The following ABTB3 variants were observed in gnomAD, a reference collection of about 807,000 sequenced individuals.
ABTB3 encodes the protein ankyrin repeat and BTB domain containing 3.
chr12:107,607,407 A>C, the ABTB3 span, among the ~76,000 whole-genome samples: 9 of 152,008 alleles, frequency 5.9e-5, no homozygotes, highest in East Asian at 1.5e-3. Flanking sequence ...GCTCTCCCCC[A>C]CTGCCGGGGT....
chr12:107,623,233 G>C, the ABTB3 span, among the ~76,000 whole-genome samples: 1 of 150,626 alleles, frequency 6.6e-6, no homozygotes, highest in Non-Finnish European at 1.5e-5. Context: ...GCTAATTTTT[G>C]TATTTTTAGT....
At chr12:107,657,981 A>C in the ABTB3 span, 1 of 500,590 alleles carries the variant, frequency 2.0e-6, no homozygotes, top group African/African-American at 1.9e-5. Flanking sequence ...TTGAACACCC[A>C]CTGCCGGGGA....
At chr12:107,543,338 C>CA in the ABTB3 span, among the ~76,000 whole-genome samples, 488 of 77,274 alleles carry the variant, frequency 6.3e-3, 4 homozygotes, top group Non-Finnish European at 7.1e-3. Flanking sequence ...GACTCCATCT[C>CA]AAAAAAAAAA....
the ABTB3 span, among the ~76,000 whole-genome samples, chr12:107,365,566 T>C: frequency 2.0e-5 from 3 of 152,224 alleles, no homozygotes; most frequent in Admixed American, 6.5e-5. Context: ...AATGAGCTGA[T>C]ACAAGCACCT....
the ABTB3 span, among the ~76,000 whole-genome samples, chr12:107,386,435 T>G: frequency 6.6e-6 from 1 of 152,176 alleles, no homozygotes; most frequent in Non-Finnish European, 1.5e-5. Flanking sequence ...TAGTATATAC[T>G]CAAAAATTTT....
chr12:107,540,126 T>C, the ABTB3 span, among the ~76,000 whole-genome samples: 2 of 152,298 alleles, frequency 1.3e-5, no homozygotes, highest in South Asian at 4.2e-4. Flanking sequence ...CTGGAGGATT[T>C]ATAAAGAACA....
chr12:107,529,084 T>C, the ABTB3 span, among the ~76,000 whole-genome samples: 14 of 147,528 alleles, frequency 9.5e-5, no homozygotes, highest in African/African-American at 3.6e-4. Flanking sequence ...ATGGAGGTGG[T>C]GGTGATGGTG....
At chr12:107,346,792 C>T in the ABTB3 span, among the ~76,000 whole-genome samples, 1 of 152,150 alleles carries the variant, frequency 6.6e-6, no homozygotes, top group Admixed American at 6.5e-5. Context: ...ATAAAAAGTA[C>T]AATTTTTACT....
the ABTB3 span, among the ~76,000 whole-genome samples, chr12:107,351,054 T>C: frequency 6.6e-6 from 1 of 152,116 alleles, no homozygotes; most frequent in African/African-American, 2.4e-5. Flanking sequence ...AAACCAAGCC[T>C]GGGGCTGAAA....
At chr12:107,468,930 C>T in the ABTB3 span, among the ~76,000 whole-genome samples, 1 of 152,156 alleles carries the variant, frequency 6.6e-6, no homozygotes, top group Non-Finnish European at 1.5e-5. Flanking sequence ...CGTGCCTCAG[C>T]TTTCTCATCT....
At chr12:107,335,574 A>G in the ABTB3 span, among the ~76,000 whole-genome samples, 1 of 152,118 alleles carries the variant, frequency 6.6e-6, no homozygotes, top group African/African-American at 2.4e-5. Context: ...TGTTTTATAT[A>G]TACTGGGATT....
At chr12:107,347,504 C>T in the ABTB3 span, among the ~76,000 whole-genome samples, 2 of 152,140 alleles carry the variant, frequency 1.3e-5, no homozygotes, top group South Asian at 2.1e-4. Context: ...TACTCATACA[C>T]TTGGTGCCTT....
chr12:107,352,161 G>A, the ABTB3 span, among the ~76,000 whole-genome samples: 1 of 152,208 alleles, frequency 6.6e-6, no homozygotes, highest in Non-Finnish European at 1.5e-5. Flanking sequence ...GAAGAGGGCT[G>A]TTAGGAGGCA....
chr12:107,452,496 G>A, the ABTB3 span, among the ~76,000 whole-genome samples: 5 of 149,956 alleles, frequency 3.3e-5, no homozygotes, highest in Admixed American at 1.3e-4. Flanking sequence ...TTGAGCCACC[G>A]CGCCCGGCCA....
the ABTB3 span, among the ~76,000 whole-genome samples, chr12:107,328,569 T>C: frequency 1.3e-5 from 2 of 152,348 alleles, no homozygotes; most frequent in East Asian, 3.9e-4. Flanking sequence ...GAACTACCAG[T>C]TGCTGAACCA....
chr12:107,425,923 C>G, the ABTB3 span, among the ~76,000 whole-genome samples: 5 of 152,320 alleles, frequency 3.3e-5, no homozygotes, highest in South Asian at 8.3e-4. Context: ...TGGGTTCGAC[C>G]ATCCATCACA....
the ABTB3 span, among the ~76,000 whole-genome samples, chr12:107,572,812 T>C: frequency 3.3e-5 from 5 of 152,046 alleles, no homozygotes; most frequent in African/African-American, 7.2e-5. Flanking sequence ...GCAGGCAGGG[T>C]CAAGGTTGTT....
At chr12:107,511,925 C>T in the ABTB3 span, among the ~76,000 whole-genome samples, 3 of 152,104 alleles carry the variant, frequency 2.0e-5, no homozygotes, top group African/African-American at 7.2e-5. Flanking sequence ...ACGGAAGCCT[C>T]ATCAACAAAG....
At chr12:107,537,277 C>A in the ABTB3 span, among the ~76,000 whole-genome samples, 57,098 of 151,832 alleles carry the variant, frequency 0.38, 11,240 homozygotes, top group African/African-American at 0.47. Flanking sequence ...TGGATACAAA[C>A]TTACAGCCAA....
Sources: allele counts gnomAD v4.1 joint callset (sites outside exome capture counted in the v4.1 genomes callset), GRCh38; gene constraint gnomAD v4.1.1; transcripts MANE v1.5; gene names NCBI Gene and HGNC (gene_info 2026-07-23, HGNC 2026-07-21).